GRID2: variants seen among roughly 807,000 people sequenced by gnomAD.
The protein encoded by GRID2 is glutamate ionotropic receptor delta type subunit 2, also known as glutamate receptor ionotropic, delta-2.
Under a neutral mutation model 114.8 loss-of-function variants are expected in GRID2, and 33 were observed. The ratio of observed to expected loss-of-function variants is 0.29; its 90% confidence interval spans 0.22 to 0.38. GRID2 has a LOEUF of 0.38. Ranked by LOEUF, GRID2 falls within the 10% of genes least tolerant of loss-of-function variation. GRID2 has a pLI of 1.00. For missense variants in GRID2, 1,184 were observed against 1,257.7 expected, an observed-to-expected ratio of 0.94 and a Z score of 0.89; for synonymous variants, 505 against 449.9, an observed-to-expected ratio of 1.12 and a Z score of -1.55.
intron 2 of GRID2, among the ~76,000 whole-genome samples, chr4:93,018,529 C>G (rs1302052434): frequency 1.3e-5 from 2 of 152,084 alleles, no homozygotes; most frequent in Admixed American, 6.6e-5. Flanking sequence ...CTGTGCTTAT[C>G]TACTGAGAGA....
chr4:93,678,047 G>T (rs1231158773), intron 14 of GRID2, among the ~76,000 whole-genome samples: 1 of 152,106 alleles, frequency 6.6e-6, no homozygotes. Context: ...TAGACGAATG[G>T]ATAACTAGAC....
chr4:93,111,607 G>T (rs1045575636), intron 4 of GRID2, among the ~76,000 whole-genome samples: 2 of 152,136 alleles, frequency 1.3e-5, no homozygotes, highest in African/African-American at 4.8e-5. Flanking sequence ...CTATTGCCTT[G>T]TAAAAGTTTA....
intron 14 of GRID2, among the ~76,000 whole-genome samples, chr4:93,707,761 T>C (rs1191033699): frequency 6.6e-6 from 1 of 151,964 alleles, no homozygotes; most frequent in Admixed American, 6.6e-5. Context: ...TCTTTTCTAG[T>C]TCTTTAAGGT....
intron 2 of GRID2, among the ~76,000 whole-genome samples, chr4:92,666,471 C>T (rs1732782198): frequency 6.6e-6 from 1 of 151,170 alleles, no homozygotes; most frequent in Non-Finnish European, 1.5e-5. Context: ...TCTTCGTATG[C>T]CTTGTGATTT....
chr4:93,498,253 G>A (rs1273772958), intron 12 of GRID2, among the ~76,000 whole-genome samples: 1 of 151,782 alleles, frequency 6.6e-6, no homozygotes, highest in Non-Finnish European at 1.5e-5. Flanking sequence ...CTTCCAAGAT[G>A]GTACTTTGAC....
intron 2 of GRID2, among the ~76,000 whole-genome samples, chr4:93,073,459 A>T (rs1456839845): frequency 1.3e-5 from 2 of 152,158 alleles, no homozygotes; most frequent in African/African-American, 4.8e-5. Flanking sequence ...TGTGTTAATA[A>T]TCTGTTCACA....
chr4:92,446,856 C>T (rs538621703), intron 1 of GRID2, among the ~76,000 whole-genome samples: 1 of 152,176 alleles, frequency 6.6e-6, no homozygotes, highest in Non-Finnish European at 1.5e-5. Flanking sequence ...CAGAAGTTCT[C>T]AAGTTTTACC....
chr4:93,612,140 C>A (rs372904095), intron 13 of GRID2, among the ~76,000 whole-genome samples: 1 of 151,652 alleles, frequency 6.6e-6, no homozygotes, highest in Non-Finnish European at 1.5e-5. Flanking sequence ...CAACCCCTGC[C>A]TTTTTTTGTT....
intron 4 of GRID2, among the ~76,000 whole-genome samples, chr4:93,169,143 T>TAC (rs33953002): frequency 0.21 from 29,513 of 137,960 alleles, 2,815 homozygotes; most frequent in Non-Finnish European, 0.24. Flanking sequence ...CACAATGAAA[T>TAC]ACACACACAC....
chr4:92,841,124 A>G (rs1421648640), intron 2 of GRID2, among the ~76,000 whole-genome samples: 2 of 152,028 alleles, frequency 1.3e-5, no homozygotes, highest in Non-Finnish European at 2.9e-5. Flanking sequence ...TCCTCATTTA[A>G]TCTAGGCTGT....
intron 2 of GRID2, among the ~76,000 whole-genome samples, chr4:92,927,777 G>C (rs1221464871): frequency 6.6e-6 from 1 of 151,660 alleles, no homozygotes; most frequent in Non-Finnish European, 1.5e-5. Context: ...ATATTTACAA[G>C]CCTTTTTGTG....
At chr4:93,719,710 G>A (rs1017045521) in intron 14 of GRID2, among the ~76,000 whole-genome samples, 3 of 152,112 alleles carry the variant, frequency 2.0e-5, no homozygotes, top group African/African-American at 4.8e-5. Flanking sequence ...GGACCTAAAT[G>A]TTTGCTGCAA....
chr4:93,457,739 G>A (rs1560639934), intron 11 of GRID2, among the ~76,000 whole-genome samples: 1 of 152,204 alleles, frequency 6.6e-6, no homozygotes, highest in East Asian at 1.9e-4. Context: ...GAAAAAAGGA[G>A]ATAAAGTTTT....
At chr4:92,763,887 G>A (rs886515651) in intron 2 of GRID2, among the ~76,000 whole-genome samples, 3 of 152,100 alleles carry the variant, frequency 2.0e-5, no homozygotes, top group Non-Finnish European at 4.4e-5. Context: ...TCTAAACAAA[G>A]AACAGATATA....
At chr4:92,861,525 A>G (rs1392599335) in intron 2 of GRID2, among the ~76,000 whole-genome samples, 2 of 152,086 alleles carry the variant, frequency 1.3e-5, no homozygotes, top group Non-Finnish European at 2.9e-5. Context: ...CATAGCTGTC[A>G]CAGTACCTAC....
chr4:93,739,510 A>G (rs1360060534), intron 14 of GRID2, among the ~76,000 whole-genome samples: 2 of 152,142 alleles, frequency 1.3e-5, no homozygotes, highest in Non-Finnish European at 2.9e-5. Flanking sequence ...GAGAAAAAAC[A>G]TGGGATTATC....
At chr4:92,681,161 T>A (rs1242243493) in intron 2 of GRID2, among the ~76,000 whole-genome samples, 2 of 152,162 alleles carry the variant, frequency 1.3e-5, no homozygotes, top group Non-Finnish European at 2.9e-5. Context: ...AGCTACATAT[T>A]CTATATATGG....
chr4:93,655,643 C>T (rs1349419055), intron 14 of GRID2, among the ~76,000 whole-genome samples: 2 of 152,044 alleles, frequency 1.3e-5, no homozygotes, highest in Non-Finnish European at 2.9e-5. Context: ...ATTAAGACCC[C>T]AAATTAAGGA....
chr4:93,119,146 C>G (rs996532590), intron 4 of GRID2, among the ~76,000 whole-genome samples: 1 of 152,100 alleles, frequency 6.6e-6, no homozygotes, highest in Non-Finnish European at 1.5e-5. Context: ...ACACTTAGTG[C>G]TCCACCTCTC....
Sources: gnomAD v4.1 joint callset for allele counts (sites outside exome capture counted in the v4.1 genomes callset) on GRCh38, gnomAD v4.1.1 for gene constraint, MANE v1.5 for transcripts, NCBI Gene and HGNC (gene_info 2026-07-23, HGNC 2026-07-21) for gene names.